LAMA2: variants seen among roughly 807,000 people sequenced by gnomAD.
LAMA2 encodes laminin subunit alpha-2.
Under a neutral mutation model 364.8 loss-of-function variants are expected in LAMA2, and 269 were observed. That is an observed-to-expected ratio of 0.74 (90% CI 0.67 to 0.82). The LOEUF is 0.82. Among genes scored for constraint, LAMA2 ranks in the 40% least tolerant of loss-of-function variants. The pLI is 0.00. For synonymous variants in LAMA2, 1,379 were observed against 1,370.6 expected (o/e 1.01, Z -0.14); for missense variants, 3,807 against 3,873.2 (o/e 0.98, Z 0.45).
chr6:129,163,206 C>T (rs925412068), intron 8 of LAMA2, among the ~76,000 whole-genome samples: 3 of 151,858 alleles, frequency 2.0e-5, no homozygotes, highest in South Asian at 2.1e-4. Context: ...TGTGCTAGGG[C>T]GTTCATTGTA....
intron 3 of LAMA2, among the ~76,000 whole-genome samples, chr6:129,096,527 C>G (rs1444757499): frequency 6.6e-6 from 1 of 152,162 alleles, no homozygotes; most frequent in African/African-American, 2.4e-5. Context: ...TTATACCTAT[C>G]TATATGCCTT....
intron 2 of LAMA2, 30 bp downstream of exon 2, chr6:129,050,118 G>C (rs200840814): frequency 6.2e-7 from 1 of 1,611,196 alleles, no homozygotes; most frequent in Non-Finnish European, 8.5e-7. Context: ...GGTGTGTGGC[G>C]CTGGGTAGGA....
At chr6:129,488,845 C>T (rs891456623) in intron 56 of LAMA2, among the ~76,000 whole-genome samples, 1 of 152,156 alleles carries the variant, frequency 6.6e-6, no homozygotes, top group Non-Finnish European at 1.5e-5. Flanking sequence ...ATTTTTAATG[C>T]TTTATATGCC....
chr6:129,440,936 A>T lies in LAMA2; in HGVS notation c.6206A>T (p.Tyr2069Phe). The T allele has an allele frequency of 2.5e-6, 4 of 1,613,974 alleles. No homozygotes were observed. Among genetic ancestry groups the T allele is most frequent in the Non-Finnish European group, 3.4e-6 (4 of 1,179,880 alleles). The stretch of plus-strand genomic sequence containing the variant: ...AACCTCGATGGCCTGAAGAAGAATT[A>T]CAATAAACTAGCAGACAGCGTCGCC... ...HQNLDGLKKN[Y>F]NKLADSVAKT... Residue 2069 changes from tyrosine to phenylalanine, a missense_variant, in exon 43 of 65, where the codon TAC (tyrosine) becomes TTC (phenylalanine). Around this residue, in one of 3 missense-constraint regions of LAMA2, gnomAD observed 3,333 missense variants for 3,345.7 expected, o/e 1.00. Transcript: ENST00000421865.
At chr6:129,227,540 T>A (rs1458120765) in intron 12 of LAMA2, among the ~76,000 whole-genome samples, 1 of 152,192 alleles carries the variant, frequency 6.6e-6, no homozygotes, top group Non-Finnish European at 1.5e-5. Flanking sequence ...TAGTTTTCCT[T>A]CTTACAGTCA....
At position 129,454,363 on chromosome 6, in the gene LAMA2, C is replaced by T. The variant is rs543107835; in HGVS notation, c.6707+75C>T. 7.4e-5 allele frequency: 88 copies of T among 1,197,192 alleles called. 1 individual carries two copies. The East Asian group carries it at 2.1e-3, about 28-fold the overall frequency. The allele number at this position is 1,197,192 out of a possible 1,614,324, so 74.2% of individuals were successfully genotyped here. A position where few individuals can be genotyped will look rare whatever the true frequency, so the allele number is the denominator to read the frequency against. ...TAGTTTCCCAGTTTATAAGAAAACT[C>T]CTATTTCCATTTCAATAAGGTAACT... On this transcript the variant is annotated intron_variant, in intron 47 of 64. Transcript: ENST00000421865.
At chr6:129,336,767 G>A (rs796119222) in intron 29 of LAMA2, among the ~76,000 whole-genome samples, 35 of 152,240 alleles carry the variant, frequency 2.3e-4, no homozygotes, top group African/African-American at 7.9e-4. Context: ...GGGCATATAC[G>A]TTGCTAAAAA....
intron 1 of LAMA2, among the ~76,000 whole-genome samples, chr6:129,041,400 A>G (rs1787085032): frequency 6.6e-6 from 1 of 152,206 alleles, no homozygotes; most frequent in African/African-American, 2.4e-5. Flanking sequence ...GGTTTCTTGG[A>G]AAAACTCAGC....
chr6:129,430,705 C>T (rs554116490), intron 41 of LAMA2, among the ~76,000 whole-genome samples: 1 of 152,126 alleles, frequency 6.6e-6, no homozygotes, highest in South Asian at 2.1e-4. Context: ...TGGCTCATGC[C>T]CTGTAATTCC....
chr6:129,104,493 A>G (rs2114886056), intron 4 of LAMA2, among the ~76,000 whole-genome samples: 1 of 152,294 alleles, frequency 6.6e-6, no homozygotes, highest in Non-Finnish European at 1.5e-5. Context: ...TGTCTAAAGA[A>G]TTTTTGAGAC....
chr6:129,266,397 TA>T (rs1306863201), intron 15 of LAMA2, among the ~76,000 whole-genome samples: 1 of 152,112 alleles, frequency 6.6e-6, no homozygotes, highest in Non-Finnish European at 1.5e-5. Flanking sequence ...TTTCACATTT[TA>T]AACAAGGAAT....
intron 63 of LAMA2, 57 bp downstream of exon 63, chr6:129,512,550 A>T: frequency 6.3e-7 from 1 of 1,582,686 alleles, no homozygotes; most frequent in Non-Finnish European, 8.7e-7. Flanking sequence ...TGATGTGTAG[A>T]TATCATCCAT....
intron 32 of LAMA2, among the ~76,000 whole-genome samples, chr6:129,358,148 C>T (rs1777258511): frequency 6.6e-6 from 1 of 152,030 alleles, no homozygotes; most frequent in South Asian, 2.1e-4. Flanking sequence ...TTTGCACCTT[C>T]TACTCATTTG....
Position 128,918,756 on chromosome 6 carries a change from T to C in LAMA2, c.112+35399T>C, listed in dbSNP as rs1030795386. On this transcript the variant is annotated intron_variant, in intron 1 of 64. Transcript: ENST00000421865. ...CCCCCAGTTTCCTTAGGGCAAACAA[T>C]ATGGGTGCTTTCAGTTAATTTTAGT... Among the ~76,000 whole-genome samples, 10 of 152,312 alleles carry C rather than the reference T, an allele frequency of 6.6e-5. No individual in the cohort carries two copies. The East Asian group carries it at 1.3e-3, about 21-fold the overall frequency.
intron 1 of LAMA2, among the ~76,000 whole-genome samples, chr6:128,896,611 A>G (rs563939836): frequency 6.6e-6 from 1 of 152,304 alleles, no homozygotes; most frequent in South Asian, 2.1e-4. Flanking sequence ...TTCAACTTTT[A>G]GGGACTGATT....
intron 1 of LAMA2, among the ~76,000 whole-genome samples, chr6:128,921,443 A>G (rs1778706925): frequency 6.6e-6 from 1 of 152,182 alleles, no homozygotes; most frequent in Non-Finnish European, 1.5e-5. Context: ...TAATTAAGTT[A>G]AGGTGATGTC....
At chr6:129,121,543 T>C (rs1259912823) in intron 4 of LAMA2, among the ~76,000 whole-genome samples, 2 of 152,162 alleles carry the variant, frequency 1.3e-5, no homozygotes, top group African/African-American at 4.8e-5. Flanking sequence ...ATTTTACATA[T>C]TAGAAGTGGC....
At chr6:129,410,536 A>G (rs189451449) in intron 40 of LAMA2, among the ~76,000 whole-genome samples, 2 of 152,308 alleles carry the variant, frequency 1.3e-5, no homozygotes, top group African/African-American at 4.8e-5. Flanking sequence ...GATCTTCACT[A>G]GAAATAAGTA....
intron 34 of LAMA2, 127 bp from the exon 35 acceptor site, chr6:129,382,995 A>G (rs1778779749): frequency 4.1e-6 from 3 of 739,014 alleles, no homozygotes; most frequent in African/African-American, 1.7e-5. Flanking sequence ...AATACATCTG[A>G]TCAATAATTC....
Sources: gnomAD v4.1 joint callset for allele counts (sites outside exome capture counted in the v4.1 genomes callset) on GRCh38, gnomAD v4.1.1 for gene constraint, gnomAD v4.1.1 regional missense constraint, MANE v1.5 for transcripts, NCBI Gene and HGNC (gene_info 2026-07-23, HGNC 2026-07-21) for gene names.